The following GPR137C variants were observed in gnomAD, a reference collection of about 807,000 sequenced individuals.
GPR137C encodes the protein integral membrane protein GPR137C.
Under a neutral mutation model 43.4 loss-of-function variants are expected in GPR137C, and 27 were observed. The ratio of observed to expected loss-of-function variants is 0.62; its 90% confidence interval spans 0.46 to 0.86. The LOEUF is 0.86. Ranked by LOEUF, GPR137C falls within the 40% of genes least tolerant of loss-of-function variation. GPR137C has a pLI of 0.00. For synonymous variants in GPR137C, 285 were observed against 226.9 expected, an observed-to-expected ratio of 1.26 and a Z score of -2.30; for missense variants, 522 against 534.6, an observed-to-expected ratio of 0.98 and a Z score of 0.23.
intron 1 of GPR137C, among the ~76,000 whole-genome samples, chr14:52,560,986 TAAAG>T (rs1041229269): frequency 1.3e-5 from 2 of 152,202 alleles, no homozygotes; most frequent in African/African-American, 2.4e-5. Context: ...ATCCAAAACA[TAAAG>T]AACTTATAAC....
intron 1 of GPR137C, among the ~76,000 whole-genome samples, chr14:52,579,924 A>G (rs2038618989): frequency 6.6e-6 from 1 of 152,208 alleles, no homozygotes; most frequent in Admixed American, 6.5e-5. Context: ...AGTATAAACT[A>G]TATTATTTGC....
At chr14:52,621,758 G>T (rs1371222197) in intron 3 of GPR137C, among the ~76,000 whole-genome samples, 1 of 151,462 alleles carries the variant, frequency 6.6e-6, no homozygotes, top group Non-Finnish European at 1.5e-5. Flanking sequence ...TAGAGCAATG[G>T]TTCTCAAATT....
At chr14:52,612,185 C>G (rs1216954001) in intron 3 of GPR137C, 14 of 983,892 alleles carry the variant, frequency 1.4e-5, no homozygotes, top group Middle Eastern at 5.2e-4. Flanking sequence ...AATATGATTT[C>G]TTTAATGTTC....
intron 3 of GPR137C, chr14:52,613,320 T>G (rs1468736676): frequency 6.6e-6 from 1 of 151,752 alleles, no homozygotes; most frequent in Non-Finnish European, 1.5e-5. Flanking sequence ...AAATGCAATA[T>G]CCATCCCCTC....
chr14:52,613,092 A>C (rs1041086468), intron 3 of GPR137C: 1 of 151,958 alleles, frequency 6.6e-6, no homozygotes, highest in African/African-American at 2.4e-5. Flanking sequence ...TAAAAATACA[A>C]AAAATTTGCC....
intron 4 of GPR137C, among the ~76,000 whole-genome samples, chr14:52,633,189 C>T (rs191218430): frequency 6.6e-6 from 1 of 152,120 alleles, no homozygotes; most frequent in African/African-American, 2.4e-5. Flanking sequence ...TGTTATTTTG[C>T]CTATGGAGCA....
chr14:52,601,590 T>G (rs1452503615), intron 3 of GPR137C, among the ~76,000 whole-genome samples: 1 of 151,972 alleles, frequency 6.6e-6, no homozygotes, highest in African/African-American at 2.4e-5. Flanking sequence ...ATTATTTTAT[T>G]AAATTTCTAG....
chr14:52,598,009 A>G (rs1008282065), intron 1 of GPR137C, among the ~76,000 whole-genome samples: 2 of 152,214 alleles, frequency 1.3e-5, no homozygotes, highest in East Asian at 1.9e-4. Context: ...CAAGTACAGT[A>G]TATGTTTAAA....
At chr14:52,566,117 C>T (rs1281092562) in intron 1 of GPR137C, among the ~76,000 whole-genome samples, 2 of 152,070 alleles carry the variant, frequency 1.3e-5, no homozygotes, top group South Asian at 2.1e-4. Flanking sequence ...ATACATAACA[C>T]GTTAAAACTG....
intron 1 of GPR137C, among the ~76,000 whole-genome samples, chr14:52,581,644 G>A (rs1440451474): frequency 7.2e-5 from 11 of 152,170 alleles, no homozygotes; most frequent in Admixed American, 6.5e-4. Flanking sequence ...ACAATGGTAA[G>A]CTTGGGAATG....
chr14:52,553,513 C>T lies in GPR137C; in HGVS notation c.366C>T (p.Phe122=). Residue 122 remains phenylalanine, a synonymous_variant, in exon 1 of 7, where the codon TTC becomes TTT. Transcript: ENST00000321662. ...GGCCGCCCGCTCACCTGCACTTCTT[C>T]CCCCACTGGCTGCTCTACTGCTTCC... The part of the protein sequence containing the change: ...LLRPPAHLHF[F]PHWLLYCFPS... The T allele has an allele frequency of 6.2e-7, 1 of 1,609,308 alleles. No homozygotes were observed. The highest frequency in any genetic ancestry group is 8.5e-7 in the Non-Finnish European group (1 of 1,179,674).
chr14:52,597,205 A>G (rs1488147751), intron 1 of GPR137C, among the ~76,000 whole-genome samples: 2 of 152,118 alleles, frequency 1.3e-5, no homozygotes, highest in African/African-American at 4.8e-5. Context: ...CTTGGAGTGA[A>G]TTAGTCTTTT....
intron 4 of GPR137C, 63 bp from the exon 5 acceptor site, chr14:52,633,467 T>TGTG: frequency 7.0e-7 from 1 of 1,427,854 alleles, no homozygotes; most frequent in African/African-American, 1.4e-5. Flanking sequence ...ACAAGTTAAC[T>TGTG]GTGGAGGTGA....
At position 52,567,662 on chromosome 14, in the gene GPR137C, GTT is replaced by G. The variant is rs397853244; in HGVS notation, c.444+14085_444+14086del. ...ATTCAGATTGTTCTTTTTTTTTTTG[GTT>G]TTTTTTTTTTTTTGAGACAGAGAAT... On this transcript the variant is annotated intron_variant, in intron 1 of 6. Transcript: ENST00000321662. Among the ~76,000 whole-genome samples, 472 of 134,100 alleles carry G rather than the reference GTT, an allele frequency of 3.5e-3. 2 individuals carry two copies. The highest frequency in any genetic ancestry group is 0.012 in the African/African-American group (426 of 35,908). The allele number at this position is 134,100 out of a possible 152,430, so 88.0% of individuals were successfully genotyped here.
chr14:52,613,974 G>C lies in GPR137C; in HGVS notation c.717+13633G>C, dbSNP rs1401543208. ...GTACTAATTTACATTCCCACCAACA[G>C]TGTCCAAGGTTCCCTTTTCCTCACA... On this transcript the variant is annotated intron_variant, in intron 3 of 6. Transcript: ENST00000321662. Among the ~76,000 whole-genome samples the C allele has an allele frequency of 2.6e-5, 4 of 152,126 alleles. No individual in the cohort carries two copies. In the East Asian group the frequency reaches 5.8e-4, roughly 22 times the overall value.
chr14:52,628,217 A>G (rs1357940313), intron 3 of GPR137C, among the ~76,000 whole-genome samples: 4 of 152,240 alleles, frequency 2.6e-5, no homozygotes, highest in East Asian at 1.9e-4. Flanking sequence ...AATGTGGTTT[A>G]TTGATTTTTG....
At chr14:52,557,285 C>G (rs2038209341) in intron 1 of GPR137C, among the ~76,000 whole-genome samples, 1 of 152,118 alleles carries the variant, frequency 6.6e-6, no homozygotes. Flanking sequence ...TGGGGGTTAA[C>G]TTTATTTTGA....
intron 1 of GPR137C, among the ~76,000 whole-genome samples, chr14:52,565,373 A>G (rs1251192569): frequency 6.6e-6 from 1 of 152,204 alleles, no homozygotes; most frequent in Non-Finnish European, 1.5e-5. Context: ...ATTATATTTA[A>G]TACCCATCAA....
rs1169593636 is a variant in GPR137C at position 52,633,673 on chromosome 14, C to G, written c.993+18C>G. On this transcript the variant is annotated intron_variant, in intron 5 of 6. Coordinates refer to ENST00000321662, the MANE Select transcript of GPR137C (RefSeq NM_001099652.2). ...AGAATTTGGTATGATATAATATTCC[C>G]CAATGCCTGTTCTCCTATTTTTAAA... 1.2e-6 allele frequency: 2 copies of G among 1,610,310 alleles called. No individual in the cohort carries two copies. The highest frequency in any genetic ancestry group is 3.4e-5 in the Admixed American group (2 of 59,632).
Sources: allele counts gnomAD v4.1 joint callset (sites outside exome capture counted in the v4.1 genomes callset), GRCh38; gene constraint gnomAD v4.1.1; transcripts MANE v1.5; gene names NCBI Gene and HGNC (gene_info 2026-07-23, HGNC 2026-07-21).